The following TLCD5 variants were observed in gnomAD, a reference collection of about 807,000 sequenced individuals.
The protein encoded by TLCD5 is TLC domain-containing protein 5.
A neutral mutation model predicts 20.5 loss-of-function variants in TLCD5; 15 were observed. That is an observed-to-expected ratio of 0.73 (90% CI 0.49 to 1.13). TLCD5 has a LOEUF of 1.13. Among genes scored for constraint, TLCD5 ranks in the 50% most tolerant of loss-of-function variants. The pLI is 0.00. For synonymous variants in TLCD5, 107 were observed against 114.7 expected, an observed-to-expected ratio of 0.93 and a Z score of 0.43; for missense variants, 289 against 305.6, an observed-to-expected ratio of 0.95 and a Z score of 0.41.
Position 120,327,485 on chromosome 11 carries a change from G to A in TLCD5, c.44G>A (p.Gly15Asp). Residue 15 changes from glycine (G) to aspartate (D), a missense_variant, in exon 2 of 3, where the codon GGC (glycine) becomes GAC (aspartate). Transcript: ENST00000375095. ...LCLQVLCSLCGWLSLYISFCH... is the reference protein window; with the variant it reads ...LCLQVLCSLCDWLSLYISFCH... ...CTGCAGGTGCTGTGCAGCCTGTGTGGCTGGCTCTCGCTCTATATTTCTTTC... is the reference window on the plus strand; with the variant it reads ...CTGCAGGTGCTGTGCAGCCTGTGTGACTGGCTCTCGCTCTATATTTCTTTC... 6.2e-7 allele frequency: 1 copy of A among 1,614,194 alleles called. No homozygotes were observed. Among genetic ancestry groups the A allele is most frequent in the Non-Finnish European group, 8.5e-7 (1 of 1,180,040 alleles).
chr11:120,328,999 G>A (rs1454049575), intron 2 of TLCD5, among the ~76,000 whole-genome samples: 1 of 128,122 alleles, frequency 7.8e-6, no homozygotes, highest in Non-Finnish European at 1.7e-5. Flanking sequence ...AAGGATAACA[G>A]TCATAGTGTG....
chr11:120,330,617 A>G lies in TLCD5; in HGVS notation c.*102A>G. 7.6e-7 allele frequency: 1 copy of G among 1,323,340 alleles called. No individual in the cohort carries two copies. Among genetic ancestry groups the G allele is most frequent in the South Asian group, 1.5e-5 (1 of 66,578 alleles). 82.0% of individuals were successfully genotyped at this position (1,323,340 alleles called of 1,614,324 possible). A position where few individuals can be genotyped will look rare whatever the true frequency, so the allele number is the denominator to read the frequency against. Reference sequence around the variant, plus strand: ...TACACTTATAACAAACTTAGGTTTCAATAAAGGGCTAAATGTATTGATCAA... The same window carrying G: ...TACACTTATAACAAACTTAGGTTTCGATAAAGGGCTAAATGTATTGATCAA... On this transcript the variant is annotated 3_prime_UTR_variant, in exon 3 of 3. Coordinates refer to ENST00000375095, the MANE Select transcript of TLCD5 (RefSeq NM_001198671.2).
Position 120,330,317 on chromosome 11 carries a change from T to G in TLCD5, c.540T>G (p.Leu180=). 1 of 1,588,318 alleles carries G rather than the reference T, an allele frequency of 6.3e-7. No individual in the cohort carries two copies. The highest frequency in any genetic ancestry group is 1.7e-4 in the Middle Eastern group (1 of 6,026). Residue 180 remains leucine (L), a synonymous_variant, in exon 3 of 3, where the codon CTT becomes CTG. Coordinates refer to ENST00000375095, the MANE Select transcript of TLCD5 (RefSeq NM_001198671.2). ...GVRIGVGACL[L]FCEMVSPTPK... ...GGATTGGTGTGGGAGCTTGCCTCCT[T>G]TTCTGTGAAATGGTCTCCCCCACGC...
rs1478857760 is a variant in TLCD5 at position 120,330,981 on chromosome 11, A to AG, written c.*467dup. ...TATAAAGTGAGGGGCTTACAGGAAG[A>AG]GACACGCCTTTGACATTCTGAACAT... On this transcript the variant is annotated 3_prime_UTR_variant, in exon 3 of 3. Transcript: ENST00000375095. The AG allele has an allele frequency of 2.6e-5, 4 of 153,514 alleles. No homozygotes were observed. Among genetic ancestry groups the AG allele is most frequent in the African/African-American group, 9.6e-5 (4 of 41,456 alleles). The allele number at this position is 153,514 out of a possible 1,614,324, so 9.5% of individuals were successfully genotyped here. A position where few individuals can be genotyped will look rare whatever the true frequency, so the allele number is the denominator to read the frequency against.
At chr11:120,329,907 A>G (rs1942108972) in intron 2 of TLCD5, 70 bp from the exon 3 acceptor site, 1 of 1,501,464 alleles carries the variant, frequency 6.7e-7, no homozygotes, top group Admixed American at 1.9e-5. Flanking sequence ...AAAGACAACA[A>G]CATAGGATCC....
At chr11:120,325,828 G>A (rs1032409846) in intron 1 of TLCD5, among the ~76,000 whole-genome samples, 7 of 152,270 alleles carry the variant, frequency 4.6e-5, no homozygotes, top group Non-Finnish European at 7.3e-5. Flanking sequence ...CAAGGTCACA[G>A]AGTTGTGTCT....
Position 120,331,229 on chromosome 11 carries a change from C to A in TLCD5, c.*714C>A, listed in dbSNP as rs548128682. 1 of 152,096 alleles carries A rather than the reference C, an allele frequency of 6.6e-6. No homozygotes were observed. The highest frequency in any genetic ancestry group is 6.6e-5 in the Admixed American group (1 of 15,266). The allele number at this position is 152,096 out of a possible 1,614,324, so 9.4% of individuals were successfully genotyped here. A position where few individuals can be genotyped will look rare whatever the true frequency, so the allele number is the denominator to read the frequency against. ...ATAGTGAAAAGATACAAAGAAAAAT[C>A]GGTAAAAGGAAAAGGCACCTGAGAC... On this transcript the variant is annotated 3_prime_UTR_variant, in exon 3 of 3. Coordinates refer to ENST00000375095, the MANE Select transcript of TLCD5 (RefSeq NM_001198671.2). This position sits in a 1 kb window ranked among gnomAD's most constrained non-coding sequence, Gnocchi z 4.5.
rs531300237 is a variant in TLCD5, at chr11:120,332,520, TTTGTTGTTGTTGTTG to T, written c.*2020_*2034del. On this transcript the variant is annotated 3_prime_UTR_variant, in exon 3 of 3. Coordinates refer to ENST00000375095, the MANE Select transcript of TLCD5 (RefSeq NM_001198671.2). The surrounding 1 kb of genome is among the most constrained non-coding windows in gnomAD (Gnocchi z 4.2). ...TAATCTAACGTAATGAATGGTGTCT[TTTGTTGTTGTTGTTG>T]TTGTTGTTGTTGTTTGAGACAGAGT... The T allele has an allele frequency of 6.6e-6, 1 of 151,608 alleles. No homozygotes were observed. The allele number at this position is 151,608 out of a possible 1,614,324, so 9.4% of individuals were successfully genotyped here.
At chr11:120,328,114 T>C (rs1010855718) in intron 2 of TLCD5, among the ~76,000 whole-genome samples, 2 of 151,016 alleles carry the variant, frequency 1.3e-5, no homozygotes, top group Admixed American at 1.3e-4. Context: ...TGAGATGGAG[T>C]CTTGCTCTGT....
intron 2 of TLCD5, 23 bp from the exon 3 acceptor site, chr11:120,329,954 G>A (rs775581669): frequency 1.9e-6 from 3 of 1,593,192 alleles, no homozygotes; most frequent in Admixed American, 1.7e-5. Flanking sequence ...CACTCAATTT[G>A]CTTCTGTCTT....
Position 120,330,746 on chromosome 11 carries a change from T to C in TLCD5, c.*231T>C, listed in dbSNP as rs1457324370. ...ATACTCCATGGTAGTTGGGAATAAG[T>C]GAGAACTGTGAAGTGAGTACAACTG... On this transcript the variant is annotated 3_prime_UTR_variant, in exon 3 of 3. Coordinates refer to ENST00000375095, the MANE Select transcript of TLCD5 (RefSeq NM_001198671.2). The C allele has an allele frequency of 2.1e-6, 1 of 473,030 alleles. No individual in the cohort carries two copies. The highest frequency in any genetic ancestry group is 3.7e-6 in the Non-Finnish European group (1 of 269,836). 29.3% of individuals were successfully genotyped at this position (473,030 alleles called of 1,614,324 possible).
At chr11:120,328,917 AGTGTGTGT>A (rs369015878) in intron 2 of TLCD5, among the ~76,000 whole-genome samples, 1 of 32,276 alleles carries the variant, frequency 3.1e-5, no homozygotes. Context: ...TAACAGTCAT[AGTGTGTGT>A]GTGTGTGTGT....
Position 120,330,415 on chromosome 11 carries a change from G to A in TLCD5, c.638G>A (p.Arg213His), listed in dbSNP as rs779531140. 74 of 1,614,038 alleles carry A rather than the reference G, an allele frequency of 4.6e-5. No individual in the cohort carries two copies. Among genetic ancestry groups the A allele is most frequent in the Non-Finnish European group, 5.2e-5 (61 of 1,180,044 alleles). The change falls in exon 3 of 3, where the codon CGC (arginine) becomes CAC (histidine). Residue 213 changes from arginine (R) to histidine (H), a missense_variant. Coordinates refer to ENST00000375095, the MANE Select transcript of TLCD5 (RefSeq NM_001198671.2). Reference sequence around the variant, plus strand: ...TGGTGTTTCATGTTTAGCATCTGGCGCTTTGCATGGAGGAAGAGCATCAAG... The same window carrying A: ...TGGTGTTTCATGTTTAGCATCTGGCACTTTGCATGGAGGAAGAGCATCAAG... ...VSWCFMFSIWRFAWRKSIKKY... is the reference protein window; with the variant it reads ...VSWCFMFSIWHFAWRKSIKKY...
At position 120,330,620 on chromosome 11, in the gene TLCD5, A is replaced by G; in HGVS notation, c.*105A>G. ...ACTTATAACAAACTTAGGTTTCAATAAAGGGCTAAATGTATTGATCAATTT... is the reference window on the plus strand; with the variant it reads ...ACTTATAACAAACTTAGGTTTCAATGAAGGGCTAAATGTATTGATCAATTT... On this transcript the variant is annotated 3_prime_UTR_variant, in exon 3 of 3. Coordinates refer to ENST00000375095, the MANE Select transcript of TLCD5 (RefSeq NM_001198671.2). 1.5e-6 allele frequency: 2 copies of G among 1,311,464 alleles called. No individual in the cohort carries two copies. The highest frequency in any genetic ancestry group is 2.0e-6 in the Non-Finnish European group (2 of 976,690). 81.2% of individuals were successfully genotyped at this position (1,311,464 alleles called of 1,614,324 possible).
rs1942136667 is a variant in TLCD5, at chr11:120,330,803, C to T, written c.*288C>T. The T allele has an allele frequency of 2.8e-5, 8 of 281,922 alleles. No individual in the cohort carries two copies. The Admixed American group carries it at 2.9e-4, about 10-fold the overall frequency. 17.5% of individuals were successfully genotyped at this position (281,922 alleles called of 1,614,324 possible). On this transcript the variant is annotated 3_prime_UTR_variant, in exon 3 of 3. Transcript: ENST00000375095. ...GTTTTCATTTGTGGTGACCCTGGGTCCTCCTGTCCCTGGGAGGTTTGATGT... is the reference window on the plus strand; with the variant it reads ...GTTTTCATTTGTGGTGACCCTGGGTTCTCCTGTCCCTGGGAGGTTTGATGT...
intron 1 of TLCD5, 34 bp from the exon 2 acceptor site, chr11:120,327,407 C>CTTTGT: frequency 6.2e-7 from 1 of 1,613,974 alleles, no homozygotes. Context: ...AGGGTGCATC[C>CTTTGT]TTTGTTTTTC....
At position 120,330,283 on chromosome 11, in the gene TLCD5, C is replaced by T. The variant is rs780243213; in HGVS notation, c.506C>T (p.Thr169Ile). 1.8e-5 allele frequency: 28 copies of T among 1,559,924 alleles called. No individual in the cohort carries two copies. The highest frequency in any genetic ancestry group is 2.3e-5 in the Non-Finnish European group (27 of 1,152,070). Residue 169 changes from threonine (T) to isoleucine (I), a missense_variant, in exon 3 of 3, where the codon ACA becomes ATA. Thr to Ile is a moderately conservative substitution (Grantham distance 89, BLOSUM62 -1). Transcript: ENST00000375095. ...VVDFLFVALF[T>I]GVRIGVGACL... Reference sequence around the variant, plus strand: ...GACTTCCTCTTTGTGGCTCTGTTCACAGGAGTGAGGATTGGTGTGGGAGCT... The same window carrying T: ...GACTTCCTCTTTGTGGCTCTGTTCATAGGAGTGAGGATTGGTGTGGGAGCT...
In TLCD5 at chr11:120,330,049, G is replaced by A. The variant is rs1433515389; in HGVS notation, c.272G>A (p.Trp91Ter). The A allele has an allele frequency of 1.2e-6, 2 of 1,614,124 alleles. No individual in the cohort carries two copies. The highest frequency in any genetic ancestry group is 1.7e-5 in the Admixed American group (1 of 60,026). Residue 91 changes from tryptophan to a stop codon, truncating the protein, a stop_gained, in exon 3 of 3, where the codon TGG (tryptophan) becomes TAG (stop). Coordinates refer to ENST00000375095, the MANE Select transcript of TLCD5 (RefSeq NM_001198671.2). LOFTEE classifies it high-confidence loss of function. ...GGCTACTTCATCTTCGACTTGGGCT[G>A]GTGCGTCTACTTTCAGTCTGAGGGT... The part of the protein sequence containing the change: ...TLGYFIFDLG[W>*]CVYFQSEGAL...
rs779191682 is a variant in TLCD5 at position 120,330,051 on chromosome 11, T to C, written c.274T>C (p.Cys92Arg). 1 of 1,614,218 alleles carries C rather than the reference T, an allele frequency of 6.2e-7. No individual in the cohort carries two copies. The highest frequency in any genetic ancestry group is 2.2e-5 in the East Asian group (1 of 44,884). Residue 92 changes from cysteine (C) to arginine (R), a missense_variant, in exon 3 of 3, where the codon TGC becomes CGC. By Grantham distance (180) the Cys-to-Arg change is radical (BLOSUM62 -3). Transcript: ENST00000375095. Reference protein sequence around the residue: ...LGYFIFDLGWCVYFQSEGALM... With the variant: ...LGYFIFDLGWRVYFQSEGALM... ...CTACTTCATCTTCGACTTGGGCTGG[T>C]GCGTCTACTTTCAGTCTGAGGGTGC...
Sources: allele counts gnomAD v4.1 joint callset (sites outside exome capture counted in the v4.1 genomes callset), GRCh38; gene constraint gnomAD v4.1.1; non-coding constraint Gnocchi (gnomAD v3.1); transcripts MANE v1.5; gene names NCBI Gene and HGNC (gene_info 2026-07-23, HGNC 2026-07-21).